Variants in HEATR1 observed in about 807,000 individuals in gnomAD.
HEATR1 encodes HEAT repeat-containing protein 1.
HEATR1 carries 77 observed loss-of-function variants against 248.2 expected under a neutral mutation model. The observed-to-expected ratio is 0.31, with a 90% CI of 0.26 to 0.37. The LOEUF (loss-of-function observed/expected upper bound fraction) is 0.37, where lower values mean the gene tolerates loss of function less well. Among genes scored for constraint, HEATR1 ranks in the 10% least tolerant of loss-of-function variants. The probability of loss-of-function intolerance (pLI) is 1.00; values close to 1 mark genes in which losing one functional copy is unlikely to be tolerated. For missense variants in HEATR1, 2,420 were observed against 2,504.9 expected, an observed-to-expected ratio of 0.97 and a Z score of 0.72; for synonymous variants, 897 against 923.1, an observed-to-expected ratio of 0.97 and a Z score of 0.51.
At chr1:236,567,647 C>G (rs2853605) in intron 29 of HEATR1, among the ~76,000 whole-genome samples, 1 of 152,054 alleles carries the variant, frequency 6.6e-6, no homozygotes, top group Non-Finnish European at 1.5e-5. Context: ...AGGCAGAGGT[C>G]GCAGTGACCC....
chr1:236,587,533 A>C, intron 13 of HEATR1, 43 bp from the exon 14 acceptor site: 3 of 931,774 alleles, frequency 3.2e-6, no homozygotes, highest in Non-Finnish European at 4.7e-6. Context: ...TACTTGCTTC[A>C]AACATGTATG....
chr1:236,595,709 T>G (rs199981616), intron 7 of HEATR1, 36 bp from the exon 8 acceptor site: 1 of 1,590,128 alleles, frequency 6.3e-7, no homozygotes, highest in Non-Finnish European at 8.6e-7. Context: ...GTGTTGACTT[T>G]ACAAGTTAGA....
chr1:236,567,970 T>A (rs1471378289), intron 29 of HEATR1, among the ~76,000 whole-genome samples: 1 of 152,216 alleles, frequency 6.6e-6, no homozygotes, highest in Non-Finnish European at 1.5e-5. Flanking sequence ...GTTGAATAAA[T>A]GACAGAAAGA....
rs768993090 is a variant in HEATR1 at position 236,603,251 on chromosome 1, A to T, written c.268T>A (p.Leu90Met). 1 of 1,614,142 alleles carries T rather than the reference A, an allele frequency of 6.2e-7. No homozygotes were observed. Among genetic ancestry groups the T allele is most frequent in the South Asian group, 1.1e-5 (1 of 91,084 alleles). ...SVQTKAVNKQ[L>M]DENISLFLIH... The stretch of plus-strand genomic sequence containing the variant: ...AGGAATAATGAAATGTTTTCATCCA[A>T]CTGTTTGTTTACTGCTTTGGTCTGA... The change falls in exon 3 of 45, where the codon TTG (leucine) becomes ATG (methionine). Residue 90 changes from leucine (L) to methionine (M), a missense_variant. Transcript: ENST00000366582.
At chr1:236,582,599 C>T (rs966584306) in intron 19 of HEATR1, 137 bp downstream of exon 19, 12 of 807,624 alleles carry the variant, frequency 1.5e-5, no homozygotes, top group Non-Finnish European at 2.4e-5. Context: ...AATGGAGTTT[C>T]ACTATGTTGG....
chr1:236,576,767 C>T lies in HEATR1; in HGVS notation c.2925+13G>A. 6.2e-7 allele frequency: 1 copy of T among 1,600,846 alleles called. No homozygotes were observed. The highest frequency in any genetic ancestry group is 8.5e-7 in the Non-Finnish European group (1 of 1,173,214). On this transcript the variant is annotated intron_variant, in intron 21 of 44. Transcript: ENST00000366582. ...GCATGAACACACTCAATCTTCTTTG[C>T]TAACGAGCTTACCTGAATAACATAG...
At chr1:236,552,917 C>G (rs1353400133) in intron 43 of HEATR1, 1 of 152,180 alleles carries the variant, frequency 6.6e-6, no homozygotes, top group Non-Finnish European at 1.5e-5. Flanking sequence ...GGGGGTTCAT[C>G]ATAATAGTCT....
In HEATR1 at chr1:236,596,842, G is replaced by C. The variant is rs755865994; in HGVS notation, c.738C>G (p.Ile246Met). The C allele has an allele frequency of 1.2e-6, 2 of 1,612,062 alleles. No individual in the cohort carries two copies. Among genetic ancestry groups the C allele is most frequent in the South Asian group, 1.1e-5 (1 of 90,650 alleles). ...DNIIAKLFPY[I>M]QKGLKSSLPD... ...ACACATCAGCAGTGCCAACCTTTTG[G>C]ATATAGGGAAATAGTTTGGCGATGA... Residue 246 changes from isoleucine to methionine, a missense_variant, in exon 6 of 45, where the codon ATC becomes ATG. Ile to Met is a conservative substitution (Grantham distance 10). Coordinates refer to ENST00000366582, the MANE Select transcript of HEATR1 (RefSeq NM_018072.6).
intron 42 of HEATR1, 29 bp from the exon 43 acceptor site, chr1:236,553,768 C>A (rs1380341318): frequency 6.4e-7 from 1 of 1,572,942 alleles, no homozygotes; most frequent in Admixed American, 1.9e-5. Flanking sequence ...AGACTTTGAA[C>A]AACAAGTCTC....
intron 21 of HEATR1, 60 bp from the exon 22 acceptor site, chr1:236,576,437 T>C: frequency 1.6e-6 from 2 of 1,235,076 alleles, no homozygotes; most frequent in South Asian, 1.6e-5. Context: ...AGGCTAAATA[T>C]ATTAATTACG....
intron 12 of HEATR1, 141 bp downstream of exon 12, chr1:236,590,706 T>G: frequency 2.5e-6 from 1 of 402,366 alleles, no homozygotes; most frequent in Admixed American, 4.4e-5. Flanking sequence ...GTCCTAAATA[T>G]TAGTCTAAGG....
At chr1:236,552,754 T>G (rs1389383455) in intron 43 of HEATR1, 2 of 152,290 alleles carry the variant, frequency 1.3e-5, no homozygotes, top group Non-Finnish European at 2.9e-5. Flanking sequence ...TTGGATATTT[T>G]AATTAAAGAA....
At chr1:236,603,000 T>G in intron 3 of HEATR1, 160 bp downstream of exon 3, 2 of 601,350 alleles carry the variant, frequency 3.3e-6, no homozygotes, top group Non-Finnish European at 5.9e-6. Flanking sequence ...AAAAAAGAAT[T>G]TAAAGGCAGA....
At chr1:236,603,845 G>T in intron 2 of HEATR1, 109 bp downstream of exon 2, 1 of 1,186,684 alleles carries the variant, frequency 8.4e-7, no homozygotes, top group Non-Finnish European at 1.2e-6. Context: ...GCTAGAAACT[G>T]CTAAGGAAGA....
chr1:236,576,339 C>A lies in HEATR1; in HGVS notation c.2964G>T (p.Lys988Asn). Residue 988 changes from lysine to asparagine, a missense_variant, in exon 22 of 45, where the codon AAG (lysine) becomes AAT (asparagine). Lys to Asn is a moderately conservative substitution (Grantham distance 94, BLOSUM62 0). Coordinates refer to ENST00000366582, the MANE Select transcript of HEATR1 (RefSeq NM_018072.6). ...ATLFEELQRE[K>N]KLKSHQKLSE... is the part of the protein sequence containing the mutation. ...ACAACTTCTGATGAGATTTCAGTTT[C>A]TTTTCTCTCTGTAGTTCCTCAAATA... 1 of 1,608,788 alleles carries A rather than the reference C, an allele frequency of 6.2e-7. No homozygotes were observed. Among genetic ancestry groups the A allele is most frequent in the Non-Finnish European group, 8.5e-7 (1 of 1,178,318 alleles).
chr1:236,560,334 C>CAA (rs113857916), intron 33 of HEATR1, among the ~76,000 whole-genome samples: 2 of 149,626 alleles, frequency 1.3e-5, no homozygotes, highest in African/African-American at 5.0e-5. Context: ...TATTAGGAGA[C>CAA]AAAAAAAAAA....
chr1:236,568,317 C>T (rs906214200), intron 29 of HEATR1, among the ~76,000 whole-genome samples: 1 of 152,128 alleles, frequency 6.6e-6, no homozygotes, highest in Admixed American at 6.5e-5. Context: ...TACTTGCCAA[C>T]TTGGTGGACA....
chr1:236,590,821 A>G (rs746512288), intron 12 of HEATR1, 26 bp downstream of exon 12: 1 of 1,279,432 alleles, frequency 7.8e-7, no homozygotes, highest in Non-Finnish European at 1.1e-6. Flanking sequence ...AAAAAAAACC[A>G]TATAAAAAAG....
chr1:236,589,866 A>G (rs1663987765), intron 12 of HEATR1, among the ~76,000 whole-genome samples: 1 of 152,234 alleles, frequency 6.6e-6, no homozygotes, highest in Non-Finnish European at 1.5e-5. Context: ...CCACAATTTG[A>G]AGGCTATGTA....
Sources: gnomAD v4.1 joint callset for allele counts (sites outside exome capture counted in the v4.1 genomes callset) on GRCh38, gnomAD v4.1.1 for gene constraint, MANE v1.5 for transcripts, NCBI Gene and HGNC (gene_info 2026-07-23, HGNC 2026-07-21) for gene names.